SLC12A6: variants seen among roughly 807,000 people sequenced by gnomAD.
SLC12A6 encodes the protein K-Cl cotransporter 3.
SLC12A6 carries 66 observed loss-of-function variants against 135.3 expected under a neutral mutation model. That is an observed-to-expected ratio of 0.49 (90% confidence interval 0.40 to 0.60). SLC12A6 has a LOEUF of 0.60. SLC12A6 is among the 20% of genes least tolerant of loss of function. The pLI, the probability that SLC12A6 is intolerant of heterozygous loss-of-function variation, is 0.00. For missense variants in SLC12A6, 1,058 were observed against 1,452.3 expected (o/e 0.73, Z 4.41); for synonymous variants, 513 against 508.8 (o/e 1.01, Z -0.11).
At chr15:34,296,276 G>A (rs1288597084) in intron 2 of SLC12A6, among the ~76,000 whole-genome samples, 1 of 151,742 alleles carries the variant, frequency 6.6e-6, no homozygotes, top group African/African-American at 2.4e-5. Flanking sequence ...AAAGAATGAT[G>A]GTAATAATAG....
intron 2 of SLC12A6, among the ~76,000 whole-genome samples, chr15:34,294,142 T>C (rs752385974): frequency 5.3e-5 from 8 of 152,250 alleles, no homozygotes; most frequent in Non-Finnish European, 7.3e-5. Context: ...AAGATACTTA[T>C]GAAGCAATAT....
chr15:34,312,206 T>C (rs1261071873), intron 2 of SLC12A6, among the ~76,000 whole-genome samples: 1 of 152,224 alleles, frequency 6.6e-6, no homozygotes, highest in East Asian at 1.9e-4. Flanking sequence ...TAATAATTAG[T>C]AGGACTGGGA....
intron 2 of SLC12A6, among the ~76,000 whole-genome samples, chr15:34,316,088 T>C (rs577288426): frequency 4.7e-5 from 7 of 149,900 alleles, no homozygotes; most frequent in African/African-American, 1.5e-4. Flanking sequence ...TTATCTCAAA[T>C]TCCTCATCTG....
chr15:34,337,060 C>T, intron 1 of SLC12A6: 6 of 331,444 alleles, frequency 1.8e-5, no homozygotes, highest in South Asian at 1.5e-4. Flanking sequence ...TCCCCTCAGC[C>T]CCCAGTTTCC....
chr15:34,318,711 T>C, intron 2 of SLC12A6: 1 of 1,612,710 alleles, frequency 6.2e-7, no homozygotes, highest in Non-Finnish European at 8.5e-7. Flanking sequence ...GCTCTTTCTG[T>C]ATTTAAACTT....
chr15:34,328,705 C>G (rs1889637729), intron 2 of SLC12A6, among the ~76,000 whole-genome samples: 2 of 152,104 alleles, frequency 1.3e-5, no homozygotes, highest in African/African-American at 4.8e-5. Flanking sequence ...ATGGCAAAAC[C>G]CCATCTCTAC....
rs376661196 is a variant in SLC12A6 at position 34,316,293 on chromosome 15, AT to A, written c.271+20116del. On this transcript the variant is annotated intron_variant, in intron 2 of 25. Transcript: ENST00000354181. The stretch of plus-strand genomic sequence containing the variant: ...GTGAAAAAACCATGATCAATTTAAG[AT>A]TTTTTTTTTTTAACTTAGGAGAACA... 2.6e-3 allele frequency among the ~76,000 whole-genome samples: 384 copies of A among 147,554 alleles called. 2 individuals are homozygous for A. The highest frequency in any genetic ancestry group is 0.024 in the East Asian group (125 of 5,108).
In SLC12A6 at chr15:34,250,964, T is replaced by C. The variant is rs1892346213; in HGVS notation, c.1427A>G (p.Tyr476Cys). ...SDVLGSLNHEYVLVDITTSFT... is the reference protein window; with the variant it reads ...SDVLGSLNHECVLVDITTSFT... ...GGAGGTGGTGATGTCAACAAGAACA[T>C]ATTCATGGTTTAAGCTGCCTAAGAC... The change falls in exon 11 of 26, where the codon TAT becomes TGT. Residue 476 changes from tyrosine to cysteine, a missense_variant. By Grantham distance (194) the Tyr-to-Cys change is radical (BLOSUM62 -2). This residue lies in a region of SLC12A6 where 297 missense variants were observed against 318.5 expected (regional missense o/e 0.93). Coordinates refer to ENST00000354181, the MANE Select transcript of SLC12A6 (RefSeq NM_001365088.1). The C allele has an allele frequency of 4.3e-6, 7 of 1,612,000 alleles. No individual in the cohort carries two copies. Among genetic ancestry groups the C allele is most frequent in the Non-Finnish European group, 4.2e-6 (5 of 1,178,132 alleles).
chr15:34,333,060 T>A (rs910988758), intron 2 of SLC12A6, among the ~76,000 whole-genome samples: 1 of 152,130 alleles, frequency 6.6e-6, no homozygotes, highest in Non-Finnish European at 1.5e-5. Flanking sequence ...TTAAGTCTCC[T>A]CACTTATTAA....
chr15:34,296,855 T>C (rs531169289), intron 2 of SLC12A6, among the ~76,000 whole-genome samples: 4 of 152,146 alleles, frequency 2.6e-5, no homozygotes, highest in South Asian at 4.1e-4. Context: ...AACATCCACA[T>C]AGAAAAGTAG....
At chr15:34,238,452 TC>T (rs1347446802) in intron 20 of SLC12A6, 51 bp from the exon 21 acceptor site, 1 of 1,415,224 alleles carries the variant, frequency 7.1e-7, no homozygotes, top group Admixed American at 1.7e-5. Flanking sequence ...TTGCCTTGCT[TC>T]CTAGCATGTC....
intron 2 of SLC12A6, among the ~76,000 whole-genome samples, chr15:34,313,326 A>T (rs1171527341): frequency 1.3e-5 from 2 of 152,220 alleles, no homozygotes; most frequent in Non-Finnish European, 2.9e-5. Flanking sequence ...TGATATGAAG[A>T]AGGTTTTAGT....
intron 2 of SLC12A6, among the ~76,000 whole-genome samples, chr15:34,290,597 T>C (rs1002843213): frequency 5.9e-5 from 9 of 152,208 alleles, no homozygotes; most frequent in African/African-American, 2.2e-4. Context: ...CCATTGTTAC[T>C]GTGTGGGAGT....
chr15:34,270,318 T>C (rs1893828778), intron 3 of SLC12A6, among the ~76,000 whole-genome samples: 1 of 148,840 alleles, frequency 6.7e-6, no homozygotes, highest in Admixed American at 6.6e-5. Context: ...CTTGAACCCC[T>C]GGCCTCAAGT....
intron 2 of SLC12A6, among the ~76,000 whole-genome samples, chr15:34,334,865 T>A (rs140989939): frequency 6.9e-4 from 105 of 152,322 alleles, no homozygotes; most frequent in African/African-American, 2.5e-3. Flanking sequence ...AAGGGTAACG[T>A]AAGAACCGCA....
At chr15:34,242,773 G>A (rs1338964095) in intron 16 of SLC12A6, among the ~76,000 whole-genome samples, 1 of 152,140 alleles carries the variant, frequency 6.6e-6, no homozygotes, top group South Asian at 2.1e-4. Flanking sequence ...GCTCACAGCT[G>A]TAATCCCAGC....
Position 34,272,124 on chromosome 15 carries a change from G to A in SLC12A6, c.316+3221C>T, listed in dbSNP as rs986052925. On this transcript the variant is annotated intron_variant, in intron 3 of 25. Transcript: ENST00000354181. ...CAAGTAGCTGGGACTACAGGCACCC[G>A]CCACCATGCCCGGCCAATTTTTTTT... 2.6e-5 allele frequency among the ~76,000 whole-genome samples: 4 copies of A among 152,052 alleles called. 1 individual carries two copies. The South Asian group carries it at 6.2e-4, about 24-fold the overall frequency.
intron 2 of SLC12A6, among the ~76,000 whole-genome samples, chr15:34,310,872 G>T (rs1329775155): frequency 1.3e-5 from 2 of 150,734 alleles, no homozygotes; most frequent in African/African-American, 4.9e-5. Context: ...TGCCCACCTT[G>T]GCCACCCACA....
chr15:34,298,716 G>A (rs906721775), intron 2 of SLC12A6, among the ~76,000 whole-genome samples: 1 of 152,074 alleles, frequency 6.6e-6, no homozygotes, highest in African/African-American at 2.4e-5. Context: ...GAAGCAGTGA[G>A]CACATGTACT....
Sources: gnomAD v4.1 joint callset for allele counts (sites outside exome capture counted in the v4.1 genomes callset) on GRCh38, gnomAD v4.1.1 for gene constraint, gnomAD v4.1.1 regional missense constraint, MANE v1.5 for transcripts, NCBI Gene and HGNC (gene_info 2026-07-23, HGNC 2026-07-21) for gene names.